AGBL4: variants seen among roughly 807,000 people sequenced by gnomAD.
The protein encoded by AGBL4 is AGBL carboxypeptidase 4, also known as cytosolic carboxypeptidase 6.
Under a neutral mutation model 66.4 loss-of-function variants are expected in AGBL4, and 58 were observed. The ratio of observed to expected loss-of-function variants is 0.87; its 90% CI spans 0.71 to 1.09. AGBL4 has a LOEUF of 1.09. Among genes scored for constraint, AGBL4 ranks in the 50% least tolerant of loss-of-function variants. The pLI is 0.00. For missense variants in AGBL4, 579 were observed against 631.0 expected (o/e 0.92, Z 0.88); for synonymous variants, 234 against 222.9 (o/e 1.05, Z -0.44).
At chr1:48,692,664 C>T (rs1220472474) in intron 6 of AGBL4, among the ~76,000 whole-genome samples, 1 of 152,182 alleles carries the variant, frequency 6.6e-6, no homozygotes, top group Non-Finnish European at 1.5e-5. Context: ...GTCAGCTTGT[C>T]TATACAGGTG....
At chr1:49,594,453 C>T (rs969693418) in intron 3 of AGBL4, among the ~76,000 whole-genome samples, 12 of 152,062 alleles carry the variant, frequency 7.9e-5, no homozygotes, top group Non-Finnish European at 1.5e-4. Context: ...CCCATCAACC[C>T]GTCATCTAGG....
chr1:49,997,120 C>A (rs1660426472), intron 1 of AGBL4, among the ~76,000 whole-genome samples: 1 of 152,100 alleles, frequency 6.6e-6, no homozygotes, highest in South Asian at 2.1e-4. Flanking sequence ...ATAAATCTCA[C>A]AGGACCTATA....
At chr1:48,858,023 A>T (rs1263394359) in intron 6 of AGBL4, among the ~76,000 whole-genome samples, 3 of 152,218 alleles carry the variant, frequency 2.0e-5, no homozygotes, top group Non-Finnish European at 4.4e-5. Flanking sequence ...GCAAATAATT[A>T]GAATAGACAT....
intron 3 of AGBL4, among the ~76,000 whole-genome samples, chr1:49,586,627 C>T (rs1296887382): frequency 6.6e-6 from 1 of 150,744 alleles, no homozygotes; most frequent in African/African-American, 2.4e-5. Context: ...AGCATGCAAC[C>T]ATAATCAATA....
At chr1:49,935,926 G>C (rs771626539) in intron 1 of AGBL4, among the ~76,000 whole-genome samples, 6 of 152,188 alleles carry the variant, frequency 3.9e-5, no homozygotes, top group Non-Finnish European at 7.3e-5. Context: ...AAAAAGCAGA[G>C]CGCCTCTCCA....
chr1:49,819,802 C>A (rs1216238036), intron 2 of AGBL4, among the ~76,000 whole-genome samples: 3 of 152,182 alleles, frequency 2.0e-5, no homozygotes, highest in Admixed American at 6.6e-5. Context: ...CCCAACACTT[C>A]TTTTCCTGAC....
chr1:48,907,914 G>T (rs1254950484), intron 5 of AGBL4, among the ~76,000 whole-genome samples: 1 of 152,058 alleles, frequency 6.6e-6, no homozygotes, highest in African/African-American at 2.4e-5. Flanking sequence ...GAAAAGGAGG[G>T]TAAAGAGAGA....
chr1:49,673,236 A>C (rs1239421586), intron 3 of AGBL4, among the ~76,000 whole-genome samples: 1 of 152,112 alleles, frequency 6.6e-6, no homozygotes, highest in African/African-American at 2.4e-5. Flanking sequence ...AAAATCAATA[A>C]ATTTCTTATT....
chr1:49,730,769 C>T (rs528182681), intron 2 of AGBL4, among the ~76,000 whole-genome samples: 4 of 152,272 alleles, frequency 2.6e-5, no homozygotes, highest in South Asian at 4.1e-4. Context: ...AGAGCAAACC[C>T]GGTAGGCTCC....
chr1:49,540,396 C>T (rs1422445092), intron 3 of AGBL4, among the ~76,000 whole-genome samples: 1 of 152,178 alleles, frequency 6.6e-6, no homozygotes, highest in Non-Finnish European at 1.5e-5. Context: ...AGGTAGCACC[C>T]TTGATCTCTC....
At chr1:49,920,950 T>G (rs974028561) in intron 1 of AGBL4, among the ~76,000 whole-genome samples, 1 of 152,206 alleles carries the variant, frequency 6.6e-6, no homozygotes, top group Non-Finnish European at 1.5e-5. Context: ...GGGACATGGA[T>G]GAAGCCGGAA....
intron 6 of AGBL4, among the ~76,000 whole-genome samples, chr1:48,693,126 T>C (rs969418907): frequency 6.8e-6 from 1 of 146,082 alleles, no homozygotes; most frequent in African/African-American, 2.4e-5. Flanking sequence ...TCAAAGCTCT[T>C]GGTTGCTTTC....
chr1:49,426,228 A>C (rs1645655905), intron 3 of AGBL4, among the ~76,000 whole-genome samples: 1 of 152,208 alleles, frequency 6.6e-6, no homozygotes, highest in South Asian at 2.1e-4. Flanking sequence ...GTAGTGATAA[A>C]ATGAAAAGTC....
intron 5 of AGBL4, among the ~76,000 whole-genome samples, chr1:49,036,702 C>T: frequency 6.6e-6 from 1 of 150,956 alleles, no homozygotes; most frequent in East Asian, 1.9e-4. Flanking sequence ...GGTCTACAGG[C>T]ACACACCACC....
At chr1:49,653,923 T>C (rs1439744425) in intron 3 of AGBL4, among the ~76,000 whole-genome samples, 1 of 151,804 alleles carries the variant, frequency 6.6e-6, no homozygotes, top group Non-Finnish European at 1.5e-5. Flanking sequence ...TAGGAGAACT[T>C]CCCCAACCTA....
intron 6 of AGBL4, among the ~76,000 whole-genome samples, chr1:48,679,431 C>A (rs1474297256): frequency 6.6e-6 from 1 of 152,138 alleles, no homozygotes; most frequent in Non-Finnish European, 1.5e-5. Context: ...ACGATGAAGC[C>A]TGCTCAGTAC....
At chr1:49,916,560 GC>G (rs1035444586) in intron 1 of AGBL4, among the ~76,000 whole-genome samples, 26 of 152,314 alleles carry the variant, frequency 1.7e-4, no homozygotes, top group African/African-American at 5.8e-4. Flanking sequence ...AAAGAACAAA[GC>G]CTCCAAGAAA....
intron 5 of AGBL4, among the ~76,000 whole-genome samples, chr1:48,981,889 G>A (rs965931840): frequency 4.6e-5 from 7 of 152,234 alleles, no homozygotes; most frequent in African/African-American, 1.2e-4. Context: ...GCGAAACTCC[G>A]TCTCAAAGAA....
At chr1:49,706,701 T>C (rs547705894) in intron 2 of AGBL4, among the ~76,000 whole-genome samples, 104 of 152,310 alleles carry the variant, frequency 6.8e-4, no homozygotes, top group Non-Finnish European at 1.3e-3. Flanking sequence ...TAAATTTCCC[T>C]CTAAACACTG....
Sources: allele counts gnomAD v4.1 joint callset (sites outside exome capture counted in the v4.1 genomes callset), GRCh38; gene constraint gnomAD v4.1.1; transcripts MANE v1.5; gene names NCBI Gene and HGNC (gene_info 2026-07-23, HGNC 2026-07-21).